The following CA10 variants were observed in gnomAD, a reference collection of about 807,000 sequenced individuals.
CA10 encodes carbonic anhydrase 10 (inactive).
Under a neutral mutation model 44.2 loss-of-function variants are expected in CA10, and 14 were observed. The observed-to-expected ratio is 0.32, with a 90% CI of 0.21 to 0.50. The LOEUF is 0.50. Ranked by LOEUF, CA10 falls within the 20% of genes least tolerant of loss-of-function variation. CA10 has a pLI of 0.99. For missense variants in CA10, 350 were observed against 409.7 expected (o/e 0.85, Z 1.26); for synonymous variants, 159 against 141.6 (o/e 1.12, Z -0.87).
At chr17:51,690,714 C>T (rs1021967820) in intron 4 of CA10, among the ~76,000 whole-genome samples, 1 of 152,180 alleles carries the variant, frequency 6.6e-6, no homozygotes, top group Non-Finnish European at 1.5e-5. Flanking sequence ...TGAGGCCTTC[C>T]CAGCCATATG....
intron 3 of CA10, among the ~76,000 whole-genome samples, chr17:51,902,817 A>T (rs1185501577): frequency 6.6e-6 from 1 of 152,194 alleles, no homozygotes; most frequent in Non-Finnish European, 1.5e-5. Context: ...GAGAACTATG[A>T]AAGTGTTAGG....
intron 4 of CA10, among the ~76,000 whole-genome samples, chr17:51,731,542 G>A (rs1432216932): frequency 2.1e-5 from 3 of 144,458 alleles, no homozygotes; most frequent in African/African-American, 5.1e-5. Context: ...GGGAGTCCTT[G>A]TTTTAACTAT....
chr17:52,129,109 C>T (rs1031379787), intron 1 of CA10, among the ~76,000 whole-genome samples: 7 of 152,312 alleles, frequency 4.6e-5, no homozygotes, highest in Admixed American at 3.9e-4. Context: ...TTCTCCTCTA[C>T]CTCTCTGTAG....
chr17:52,094,564 G>C (rs764318018), intron 1 of CA10, among the ~76,000 whole-genome samples: 1 of 152,064 alleles, frequency 6.6e-6, no homozygotes, highest in Non-Finnish European at 1.5e-5. Flanking sequence ...CAAAATTATT[G>C]AATTTAGAAT....
chr17:51,964,694 C>A (rs569241398), intron 2 of CA10, among the ~76,000 whole-genome samples: 82 of 147,822 alleles, frequency 5.5e-4, no homozygotes, highest in African/African-American at 1.7e-3. Flanking sequence ...ATGCCAAAGT[C>A]AAAAAAAAAA....
chr17:52,046,813 C>T (rs1232873551), intron 2 of CA10, among the ~76,000 whole-genome samples: 4 of 151,752 alleles, frequency 2.6e-5, no homozygotes, highest in Admixed American at 2.0e-4. Flanking sequence ...TGGAATACAA[C>T]AATATATTAA....
intron 1 of CA10, among the ~76,000 whole-genome samples, chr17:52,102,403 A>T (rs1988560412): frequency 6.6e-6 from 1 of 152,248 alleles, no homozygotes; most frequent in Non-Finnish European, 1.5e-5. Flanking sequence ...GGCATGAAAA[A>T]TTCTAGAGAA....
chr17:52,024,399 G>A (rs1271469919), intron 2 of CA10, among the ~76,000 whole-genome samples: 2 of 151,976 alleles, frequency 1.3e-5, no homozygotes, highest in African/African-American at 4.8e-5. Context: ...ATTAAGATCT[G>A]CAGTCCTAGT....
At chr17:51,648,795 C>T (rs575570978) in intron 6 of CA10, among the ~76,000 whole-genome samples, 4 of 152,238 alleles carry the variant, frequency 2.6e-5, no homozygotes, top group African/African-American at 9.6e-5. Context: ...CCGAGGGCTT[C>T]TGTAAATGTT....
At chr17:51,830,326 TTCC>T (rs1390905156) in intron 3 of CA10, among the ~76,000 whole-genome samples, 1 of 152,064 alleles carries the variant, frequency 6.6e-6, no homozygotes, top group Admixed American at 6.6e-5. Context: ...ATGGATAAGA[TTCC>T]TGCACAGTAG....
rs137966172 is a variant in CA10, at chr17:51,742,885, C to T, written c.465+4748G>A. Among the ~76,000 whole-genome samples the T allele has an allele frequency of 1.8e-3, 273 of 152,308 alleles. 3 individuals carry two copies. The highest frequency in any genetic ancestry group is 6.3e-3 in the African/African-American group (261 of 41,576). On this transcript the variant is annotated intron_variant, in intron 4 of 8. Coordinates refer to ENST00000451037, the MANE Select transcript of CA10 (RefSeq NM_020178.5). ...GGGTCAGGTTGCACAGCTGCTCACC[C>T]ATTCTTTGCTTAATGCTATCTAGTG...
intron 1 of CA10, among the ~76,000 whole-genome samples, chr17:52,077,404 A>G (rs1259545183): frequency 6.6e-6 from 1 of 152,190 alleles, no homozygotes; most frequent in Non-Finnish European, 1.5e-5. Context: ...TACATGTTTT[A>G]GGCTTTGAAG....
At chr17:51,855,125 G>T (rs1978982869) in intron 3 of CA10, among the ~76,000 whole-genome samples, 1 of 152,080 alleles carries the variant, frequency 6.6e-6, no homozygotes, top group Non-Finnish European at 1.5e-5. Flanking sequence ...GTGTCTTTCT[G>T]CTTTGTTACA....
chr17:51,734,174 T>TG (rs1409860409), intron 4 of CA10, among the ~76,000 whole-genome samples: 1 of 98,926 alleles, frequency 1.0e-5, no homozygotes, highest in African/African-American at 5.6e-5. Flanking sequence ...ACTCAATCTT[T>TG]GGTTGGGGGG....
chr17:52,001,946 G>C (rs998068876), intron 2 of CA10, among the ~76,000 whole-genome samples: 1 of 152,064 alleles, frequency 6.6e-6, no homozygotes, highest in African/African-American at 2.4e-5. Flanking sequence ...GTTACCCTGA[G>C]GTTCAAGGCT....
intron 3 of CA10, among the ~76,000 whole-genome samples, chr17:51,807,442 C>G (rs1907179041): frequency 6.6e-6 from 1 of 152,156 alleles, no homozygotes; most frequent in Admixed American, 6.5e-5. Context: ...AATCACACAA[C>G]TAGGAAATGG....
chr17:52,158,108 GC>G lies in CA10; in HGVS notation c.-323del. On this transcript the variant is annotated 5_prime_UTR_variant, in exon 1 of 9. An upstream open reading frame in the 5' UTR gains an earlier in-frame stop. Coordinates refer to ENST00000451037, the MANE Select transcript of CA10 (RefSeq NM_020178.5). ...GGCGGAAACCGCACTAGCAGCGGCGGCGGCGGCGGCGGCGGCAGCAGCCACC... is the reference window on the plus strand; with the variant it reads ...GGCGGAAACCGCACTAGCAGCGGCGGGGCGGCGGCGGCGGCAGCAGCCACC... The G allele has an allele frequency of 2.1e-6, 1 of 465,164 alleles. No homozygotes were observed. Among genetic ancestry groups the G allele is most frequent in the South Asian group, 2.0e-5 (1 of 49,054 alleles). The allele number at this position is 465,164 out of a possible 1,614,324, so 28.8% of individuals were successfully genotyped here. A position where few individuals can be genotyped will look rare whatever the true frequency, so the allele number is the denominator to read the frequency against.
chr17:52,040,880 G>T (rs1250342492), intron 2 of CA10, among the ~76,000 whole-genome samples: 1 of 151,916 alleles, frequency 6.6e-6, no homozygotes, highest in Non-Finnish European at 1.5e-5. Context: ...CTGGAGAGAA[G>T]AATACCCAAA....
intron 4 of CA10, among the ~76,000 whole-genome samples, chr17:51,745,256 G>T (rs1904636058): frequency 6.6e-6 from 1 of 152,048 alleles, no homozygotes; most frequent in Non-Finnish European, 1.5e-5. Flanking sequence ...TTGTCACAGT[G>T]GTCGCTAACC....
Sources: gnomAD v4.1 joint callset for allele counts (sites outside exome capture counted in the v4.1 genomes callset) on GRCh38, gnomAD v4.1.1 for gene constraint, MANE v1.5 for transcripts, NCBI Gene and HGNC (gene_info 2026-07-23, HGNC 2026-07-21) for gene names.